Variants in SLC1A7 observed in about 807,000 individuals in gnomAD.
SLC1A7 encodes the protein solute carrier family 1 member 7, also known as excitatory amino acid transporter 5.
SLC1A7 carries 40 observed loss-of-function variants against 47.7 expected under a neutral mutation model. The observed-to-expected ratio is 0.84, with a 90% CI of 0.65 to 1.09. The LOEUF (loss-of-function observed/expected upper bound fraction) is 1.09. Among genes scored for constraint, SLC1A7 ranks in the 50% least tolerant of loss-of-function variants. The pLI is 0.00. For synonymous variants in SLC1A7, 323 were observed against 325.6 expected, an observed-to-expected ratio of 0.99 and a Z score of 0.09; for missense variants, 746 against 769.5, an observed-to-expected ratio of 0.97 and a Z score of 0.36.
chr1:53,090,644 G>A lies in SLC1A7; in HGVS notation c.1194C>T (p.Tyr398=), dbSNP rs377738768. ...AAIFIAQVNN[Y]ELDFGQIITI... is the part of the protein sequence containing the mutation. ...TGATGATCTGGCCAAAGTCCAGCTC[G>A]TAGTTGTTGACCTGGGCGATGAAGA... The change falls in exon 8 of 11, where the codon TAC becomes TAT. Residue 398 remains tyrosine, a synonymous_variant. Coordinates refer to ENST00000371494, the MANE Select transcript of SLC1A7 (RefSeq NM_006671.6). 2.0e-5 allele frequency: 32 copies of A among 1,606,518 alleles called. 1 individual carries two copies. The South Asian group carries it at 2.3e-4, about 12-fold the overall frequency.
At chr1:53,137,287 C>CAAAAAAAAAAAAAAA (rs60113708) in intron 1 of SLC1A7, among the ~76,000 whole-genome samples, 4 of 100,756 alleles carry the variant, frequency 4.0e-5, no homozygotes, top group East Asian at 2.8e-4. Flanking sequence ...ACGCTATCTC[C>CAAAAAAAAAAAAAAA]AAAAAAAAAA....
intron 5 of SLC1A7, among the ~76,000 whole-genome samples, chr1:53,094,684 T>C (rs1308300570): frequency 6.6e-6 from 1 of 152,170 alleles, no homozygotes; most frequent in Non-Finnish European, 1.5e-5. Context: ...CCCGCCTGTC[T>C]TCCTGCCGCC....
At position 53,092,798 on chromosome 1, in the gene SLC1A7, C is replaced by A. The variant is rs774774866; in HGVS notation, c.798-11G>T. The A allele has an allele frequency of 5.7e-6, 9 of 1,580,246 alleles. No individual in the cohort carries two copies. Among genetic ancestry groups the A allele is most frequent in the Non-Finnish European group, 7.8e-6 (9 of 1,149,992 alleles). On this transcript the variant is annotated splice_polypyrimidine_tract_variant and intron_variant, in intron 6 of 10. Coordinates refer to ENST00000371494, the MANE Select transcript of SLC1A7 (RefSeq NM_006671.6). Reference sequence around the variant, plus strand: ...CCGAAGGGGAAATACCTGGGGGCGGCGGGGCAGCCAGGCTCAGGAACCAGG... The same window carrying A: ...CCGAAGGGGAAATACCTGGGGGCGGAGGGGCAGCCAGGCTCAGGAACCAGG...
intron 4 of SLC1A7, among the ~76,000 whole-genome samples, chr1:53,104,544 G>C (rs961028782): frequency 4.6e-5 from 7 of 152,234 alleles, no homozygotes. Flanking sequence ...GAGAGTTACA[G>C]AGTAGAGCAA....
In SLC1A7 at chr1:53,142,305, G is replaced by A; in HGVS notation, c.135+10C>T. 1.3e-6 allele frequency: 2 copies of A among 1,553,818 alleles called. No homozygotes were observed. Among genetic ancestry groups the A allele is most frequent in the African/African-American group, 2.7e-5 (2 of 73,362 alleles). On this transcript the variant is annotated intron_variant, in intron 1 of 10. Coordinates refer to ENST00000371494, the MANE Select transcript of SLC1A7 (RefSeq NM_006671.6). ...TGGACAGGGGTCCCGAGATGCTCTGGGTGGCTGACCTGTGGTGAGAGGCGC... is the reference window on the plus strand; with the variant it reads ...TGGACAGGGGTCCCGAGATGCTCTGAGTGGCTGACCTGTGGTGAGAGGCGC...
chr1:53,108,814 C>A (rs1402863785), intron 3 of SLC1A7, among the ~76,000 whole-genome samples: 1 of 152,220 alleles, frequency 6.6e-6, no homozygotes, highest in Non-Finnish European at 1.5e-5. Flanking sequence ...CAAACCTTAC[C>A]TTACTTAAGC....
chr1:53,136,190 T>TTA (rs534972402), intron 1 of SLC1A7, among the ~76,000 whole-genome samples: 37 of 146,886 alleles, frequency 2.5e-4, no homozygotes, highest in African/African-American at 6.9e-4. Flanking sequence ...TAATTATATA[T>TTA]TATATATATA....
At position 53,128,417 on chromosome 1, in the gene SLC1A7, C is replaced by T. The variant is rs190389190; in HGVS notation, c.215+5933G>A. ...GATTGAGCCCTGGAGTTGAAAGTTA[C>T]AGTGAGCTGTGGTCATGCCACTGCA... On this transcript the variant is annotated intron_variant, in intron 2 of 10. Coordinates refer to ENST00000371494, the MANE Select transcript of SLC1A7 (RefSeq NM_006671.6). Among the ~76,000 whole-genome samples, 286 of 144,658 alleles carry T rather than the reference C, an allele frequency of 2.0e-3. 23 individuals are homozygous for T. The highest frequency in any genetic ancestry group is 7.0e-3 in the African/African-American group (274 of 39,408). The allele number at this position is 144,658 out of a possible 152,430, so 94.9% of individuals were successfully genotyped here.
chr1:53,091,453 C>T (rs1037667886), intron 7 of SLC1A7, among the ~76,000 whole-genome samples: 16 of 152,206 alleles, frequency 1.1e-4, no homozygotes, highest in Non-Finnish European at 1.9e-4. Flanking sequence ...CTTGAGGCTG[C>T]GGTTCCTGCT....
intron 2 of SLC1A7, among the ~76,000 whole-genome samples, chr1:53,129,773 C>A (rs530192380): frequency 7.1e-6 from 1 of 141,160 alleles, no homozygotes; most frequent in Non-Finnish European, 1.6e-5. Flanking sequence ...CTCACCACCT[C>A]CCTTTGCTTG....
At chr1:53,097,453 A>G (rs1644509859) in intron 5 of SLC1A7, among the ~76,000 whole-genome samples, 1 of 111,162 alleles carries the variant, frequency 9.0e-6, no homozygotes. Flanking sequence ...ACTCACACAC[A>G]GTGCCTTGGC....
chr1:53,094,307 C>T (rs1644459162), intron 5 of SLC1A7, among the ~76,000 whole-genome samples: 1 of 152,196 alleles, frequency 6.6e-6, no homozygotes, highest in African/African-American at 2.4e-5. Flanking sequence ...GGCCTTCCTC[C>T]CCAGCTCGCA....
At chr1:53,121,555 A>G (rs1644825864) in intron 2 of SLC1A7, among the ~76,000 whole-genome samples, 1 of 152,256 alleles carries the variant, frequency 6.6e-6, no homozygotes, top group African/African-American at 2.4e-5. Context: ...TGGCTTGGCC[A>G]AGGCCCCCGA....
At chr1:53,134,689 CTG>C (rs2150345818) in intron 1 of SLC1A7, among the ~76,000 whole-genome samples, 1 of 152,300 alleles carries the variant, frequency 6.6e-6, no homozygotes, top group East Asian at 1.9e-4. Context: ...TTTTTCTCAT[CTG>C]TAACATGAGG....
chr1:53,132,321 T>C (rs1377828293), intron 2 of SLC1A7, among the ~76,000 whole-genome samples: 1 of 152,006 alleles, frequency 6.6e-6, no homozygotes, highest in African/African-American at 2.4e-5. Context: ...CGGTGGAGTC[T>C]GGACGTGAGA....
At chr1:53,106,594 C>T (rs1268823396) in intron 3 of SLC1A7, among the ~76,000 whole-genome samples, 1 of 86,058 alleles carries the variant, frequency 1.2e-5, no homozygotes, top group Non-Finnish European at 2.9e-5. Context: ...AGCAAGACAC[C>T]GTCTCAAAAA....
At chr1:53,092,823 G>T (rs1033730598) in intron 6 of SLC1A7, 36 bp from the exon 7 acceptor site, 2 of 1,400,692 alleles carry the variant, frequency 1.4e-6, no homozygotes, top group South Asian at 1.2e-5. Flanking sequence ...CAGGAACCAG[G>T]CAGGCAGACA....
chr1:53,096,064 A>G (rs1021067), intron 5 of SLC1A7, among the ~76,000 whole-genome samples: 141,886 of 147,384 alleles, frequency 0.96, 68,487 homozygotes, highest in East Asian at 1. Context: ...CAACTGCCTC[A>G]GTACACTCAC....
At chr1:53,090,965 T>C in intron 7 of SLC1A7, 159 bp from the exon 8 acceptor site, 1 of 1,503,902 alleles carries the variant, frequency 6.6e-7, no homozygotes, top group Non-Finnish European at 8.9e-7. Flanking sequence ...GGCACTGCAG[T>C]GCTCTCACTT....
Sources: gnomAD v4.1 joint callset for allele counts (sites outside exome capture counted in the v4.1 genomes callset) on GRCh38, gnomAD v4.1.1 for gene constraint, MANE v1.5 for transcripts, NCBI Gene and HGNC (gene_info 2026-07-23, HGNC 2026-07-21) for gene names.